RSRC1: variants seen among roughly 807,000 people sequenced by gnomAD.
The protein encoded by RSRC1 is arginine and serine rich coiled-coil 1.
Under a neutral mutation model 49.1 loss-of-function variants are expected in RSRC1, and 39 were observed. The ratio of observed to expected loss-of-function variants is 0.79; its 90% CI spans 0.61 to 1.04. RSRC1 has a LOEUF of 1.04. RSRC1 is among the 50% of genes least tolerant of loss of function. The probability of loss-of-function intolerance (pLI) is 0.00; values close to 1 mark genes in which losing one functional copy is unlikely to be tolerated. For synonymous variants in RSRC1, 143 were observed against 130.8 expected (o/e 1.09, Z -0.63); for missense variants, 388 against 402.4 (o/e 0.96, Z 0.31).
At chr3:158,405,282 T>C (rs1012325074) in intron 6 of RSRC1, among the ~76,000 whole-genome samples, 1 of 152,088 alleles carries the variant, frequency 6.6e-6, no homozygotes, top group African/African-American at 2.4e-5. Flanking sequence ...TGAATTTTAA[T>C]TAAATGTTAT....
chr3:158,468,930 CAAGG>C (rs1177829417), intron 7 of RSRC1, among the ~76,000 whole-genome samples: 2 of 151,998 alleles, frequency 1.3e-5, no homozygotes, highest in Non-Finnish European at 2.9e-5. Context: ...ATCCAAATAA[CAAGG>C]AAAATATATA....
At chr3:158,302,263 T>A (rs1336639422) in intron 5 of RSRC1, among the ~76,000 whole-genome samples, 1 of 152,120 alleles carries the variant, frequency 6.6e-6, no homozygotes, top group Non-Finnish European at 1.5e-5. Context: ...GCTTCACGTG[T>A]GCATAGGTTT....
chr3:158,302,969 C>T (rs1180109152), intron 5 of RSRC1: 1 of 152,090 alleles, frequency 6.6e-6, no homozygotes, highest in African/African-American at 2.4e-5. Flanking sequence ...CCAGTGACTC[C>T]ATGTTTTTTC....
intron 6 of RSRC1, among the ~76,000 whole-genome samples, chr3:158,424,298 A>C: frequency 6.6e-6 from 1 of 151,430 alleles, no homozygotes; most frequent in Non-Finnish European, 1.5e-5. Context: ...AGGGTTGTTG[A>C]ATTTTGTCAA....
rs1719434305 is a variant in RSRC1, at chr3:158,179,087, A to G, written c.321-23985A>G. 2.0e-5 allele frequency among the ~76,000 whole-genome samples: 3 copies of G among 152,150 alleles called. No individual in the cohort carries two copies. In the South Asian group the frequency reaches 6.2e-4, roughly 32 times the overall value. On this transcript the variant is annotated intron_variant, in intron 3 of 9. Coordinates refer to ENST00000611884, the MANE Select transcript of RSRC1 (RefSeq NM_001271838.2). ...CTAAGTGTACTATCTGCAAATAAAA[A>G]TTGTTTTATTTCCATTTCTTATGCA...
At chr3:158,197,252 T>G (rs544818850) in intron 3 of RSRC1, among the ~76,000 whole-genome samples, 255 of 152,344 alleles carry the variant, frequency 1.7e-3, no homozygotes, top group African/African-American at 5.1e-3. Context: ...GTCGAGGAAT[T>G]TATCCATTTC....
chr3:158,147,183 T>C (rs1041319445), intron 3 of RSRC1, among the ~76,000 whole-genome samples: 13 of 144,886 alleles, frequency 9.0e-5, no homozygotes, highest in Non-Finnish European at 1.5e-4. Context: ...AAATGTGTAC[T>C]TCACTTTAAA....
At chr3:158,379,269 C>A (rs1249106777) in intron 6 of RSRC1, among the ~76,000 whole-genome samples, 2 of 142,752 alleles carry the variant, frequency 1.4e-5, no homozygotes, top group Non-Finnish European at 3.0e-5. Context: ...GGCGCGATCT[C>A]AGCTCACTGC....
intron 3 of RSRC1, among the ~76,000 whole-genome samples, chr3:158,127,306 G>A (rs147588840): frequency 9.2e-5 from 14 of 151,872 alleles, no homozygotes; most frequent in East Asian, 1.9e-4. Flanking sequence ...TCCATAATAC[G>A]TATATTGGTC....
At chr3:158,463,746 T>G (rs1737738156) in intron 7 of RSRC1, among the ~76,000 whole-genome samples, 3 of 152,146 alleles carry the variant, frequency 2.0e-5, no homozygotes, top group Admixed American at 2.0e-4. Flanking sequence ...TGTTTGCAAG[T>G]ATTGCATCCA....
At chr3:158,508,445 A>G (rs1015297592) in intron 7 of RSRC1, among the ~76,000 whole-genome samples, 8 of 151,420 alleles carry the variant, frequency 5.3e-5, no homozygotes, top group African/African-American at 1.7e-4. Context: ...TCCACAATAT[A>G]TAACTAAAGT....
chr3:158,420,585 A>G (rs1734985821), intron 6 of RSRC1, among the ~76,000 whole-genome samples: 2 of 151,966 alleles, frequency 1.3e-5, no homozygotes, highest in Non-Finnish European at 2.9e-5. Context: ...GAAATCAACT[A>G]GATGGTCTCT....
chr3:158,504,369 G>A lies in RSRC1; in HGVS notation c.653-32723G>A, dbSNP rs553921989. ...TGATGCTGTCTGTCCATCCAGGTCG[G>A]AGCTGCAGTCTAGTCCTGCTTCCCA... On this transcript the variant is annotated intron_variant, in intron 7 of 9. Transcript: ENST00000611884. Among the ~76,000 whole-genome samples the A allele has an allele frequency of 7.2e-5, 11 of 152,322 alleles. No homozygotes were observed. In the South Asian group the frequency reaches 1.2e-3, roughly 17 times the overall value.
rs1052704880 is a variant in RSRC1, at chr3:158,351,895, AATAT to A, written c.532-2958_532-2955del. Among the ~76,000 whole-genome samples, 253 of 127,988 alleles carry A rather than the reference AATAT, an allele frequency of 2.0e-3. 1 individual carries two copies. Among genetic ancestry groups the A allele is most frequent in the African/African-American group, 0.011 (244 of 22,310 alleles). The allele number at this position is 127,988 out of a possible 152,430, so 84.0% of individuals were successfully genotyped here. On this transcript the variant is annotated intron_variant, in intron 5 of 9. Transcript: ENST00000611884. ...ATATTATGATATATAACTATTATAT[AATAT>A]ATAATTATATAAATATTATATATAT...
chr3:158,321,813 G>A (rs1002055424), intron 5 of RSRC1, among the ~76,000 whole-genome samples: 2 of 152,000 alleles, frequency 1.3e-5, no homozygotes, highest in Non-Finnish European at 2.9e-5. Flanking sequence ...CTAATAAAAT[G>A]TAGGAGCTTT....
At chr3:158,253,727 A>G (rs1452164736) in intron 4 of RSRC1, among the ~76,000 whole-genome samples, 2 of 152,088 alleles carry the variant, frequency 1.3e-5, no homozygotes, top group African/African-American at 2.4e-5. Context: ...AACTTGCTTT[A>G]TATATGTGGG....
intron 4 of RSRC1, among the ~76,000 whole-genome samples, chr3:158,225,285 T>C (rs1722468005): frequency 6.6e-6 from 1 of 151,926 alleles, no homozygotes. Flanking sequence ...TAAGTAACTC[T>C]TATCTTATTG....
At chr3:158,217,882 A>G (rs1280440084) in intron 4 of RSRC1, among the ~76,000 whole-genome samples, 1 of 151,552 alleles carries the variant, frequency 6.6e-6, no homozygotes, top group East Asian at 2.0e-4. Flanking sequence ...ACGGAGATGT[A>G]TTTGACCTAG....
chr3:158,127,750 T>C (rs1423519830), intron 3 of RSRC1, among the ~76,000 whole-genome samples: 1 of 117,168 alleles, frequency 8.5e-6, no homozygotes, highest in African/African-American at 3.3e-5. Context: ...CTTTGACTGC[T>C]TTGTGGTTTT....
Sources: allele counts gnomAD v4.1 joint callset (sites outside exome capture counted in the v4.1 genomes callset), GRCh38; gene constraint gnomAD v4.1.1; transcripts MANE v1.5; gene names NCBI Gene and HGNC (gene_info 2026-07-23, HGNC 2026-07-21).